PPP2R5E: variants seen among roughly 807,000 people sequenced by gnomAD.
The protein encoded by PPP2R5E is serine/threonine-protein phosphatase 2A 56 kDa regulatory subunit epsilon isoform.
A neutral mutation model predicts 65.3 loss-of-function variants in PPP2R5E; 4 were observed. That is an observed-to-expected ratio of 0.06 (90% CI 0.03 to 0.14). The LOEUF is 0.14. PPP2R5E is among the 10% of genes least tolerant of loss of function. The pLI is 1.00. For synonymous variants in PPP2R5E, 183 were observed against 187.4 expected (o/e 0.98, Z 0.19); for missense variants, 274 against 556.1 (o/e 0.49, Z 5.10).
At chr14:63,386,847 C>T (rs968380528) in intron 11 of PPP2R5E, among the ~76,000 whole-genome samples, 10 of 151,606 alleles carry the variant, frequency 6.6e-5, no homozygotes, top group African/African-American at 2.4e-4. Context: ...TCGCTTGAAC[C>T]CGGGAGGCAG....
chr14:63,386,848 C>T (rs561386350), intron 11 of PPP2R5E, among the ~76,000 whole-genome samples: 2 of 151,210 alleles, frequency 1.3e-5, no homozygotes, highest in East Asian at 2.0e-4. Context: ...CGCTTGAACC[C>T]GGGAGGCAGA....
chr14:63,477,357 T>C (rs975332479), intron 2 of PPP2R5E, among the ~76,000 whole-genome samples: 2 of 152,120 alleles, frequency 1.3e-5, no homozygotes, highest in South Asian at 2.1e-4. Context: ...ACAACAAAAA[T>C]TGCAGCTAAC....
At position 63,519,017 on chromosome 14, in the gene PPP2R5E, G is replaced by A. The variant is rs549550126; in HGVS notation, c.157+20512C>T. Among the ~76,000 whole-genome samples the A allele has an allele frequency of 4.6e-5, 7 of 152,238 alleles. 1 individual carries two copies. The highest frequency in any genetic ancestry group is 1.4e-4 in the African/African-American group (6 of 41,554). On this transcript the variant is annotated intron_variant, in intron 2 of 13. Coordinates refer to ENST00000337537, the MANE Select transcript of PPP2R5E (RefSeq NM_006246.5). ...GCAGATCATCTGAGGTCGGGAGTTCGAGACCAGCCTAACATGGAGAAACCC... is the reference window on the plus strand; with the variant it reads ...GCAGATCATCTGAGGTCGGGAGTTCAAGACCAGCCTAACATGGAGAAACCC...
At chr14:63,481,235 A>G (rs998648068) in intron 2 of PPP2R5E, among the ~76,000 whole-genome samples, 6 of 152,076 alleles carry the variant, frequency 3.9e-5, no homozygotes, top group Non-Finnish European at 8.8e-5. Flanking sequence ...GGTGGCTCAC[A>G]CCTGTAATCC....
chr14:63,478,840 T>C (rs1435745427), intron 2 of PPP2R5E, among the ~76,000 whole-genome samples: 1 of 152,052 alleles, frequency 6.6e-6, no homozygotes, highest in Non-Finnish European at 1.5e-5. Context: ...AAGAAATCAT[T>C]GGCCGGGTAC....
intron 2 of PPP2R5E, among the ~76,000 whole-genome samples, chr14:63,517,194 C>A (rs1032180167): frequency 6.6e-6 from 1 of 152,034 alleles, no homozygotes; most frequent in Admixed American, 6.6e-5. Flanking sequence ...ATAATTATTA[C>A]CAGCCTTGCT....
intron 2 of PPP2R5E, among the ~76,000 whole-genome samples, chr14:63,487,025 A>G (rs1891033358): frequency 6.6e-6 from 1 of 152,188 alleles, no homozygotes; most frequent in African/African-American, 2.4e-5. Context: ...AGCACATAAC[A>G]TGAATACAGC....
chr14:63,498,324 A>G (rs960618529), intron 2 of PPP2R5E, among the ~76,000 whole-genome samples: 2 of 152,182 alleles, frequency 1.3e-5, no homozygotes, highest in African/African-American at 4.8e-5. Context: ...AATGTATACT[A>G]TCAGGTTGAC....
chr14:63,411,467 T>C (rs1456223076), intron 5 of PPP2R5E, among the ~76,000 whole-genome samples: 2 of 151,876 alleles, frequency 1.3e-5, no homozygotes, highest in Non-Finnish European at 2.9e-5. Flanking sequence ...ATATATTGCA[T>C]TGATATAGTT....
chr14:63,396,269 G>A (rs1355679496), intron 6 of PPP2R5E, among the ~76,000 whole-genome samples: 4 of 77,738 alleles, frequency 5.1e-5, no homozygotes, highest in African/African-American at 1.0e-4. Context: ...AGAGGAGGGG[G>A]AAAGTAGGGG....
At chr14:63,445,873 G>A (rs1418165019) in intron 3 of PPP2R5E, among the ~76,000 whole-genome samples, 1 of 151,888 alleles carries the variant, frequency 6.6e-6, no homozygotes, top group Non-Finnish European at 1.5e-5. Context: ...TGAAGTTTGT[G>A]GCTTCGATTG....
chr14:63,402,040 A>G (rs1460657425), intron 5 of PPP2R5E, among the ~76,000 whole-genome samples: 2 of 152,212 alleles, frequency 1.3e-5, no homozygotes, highest in East Asian at 3.9e-4. Context: ...GGAGAGAATG[A>G]GTAAGTATCT....
chr14:63,453,651 A>C, intron 3 of PPP2R5E, 38 bp downstream of exon 3: 2 of 1,587,110 alleles, frequency 1.3e-6, no homozygotes, highest in Non-Finnish European at 1.7e-6. Context: ...ACTATGGAAG[A>C]TGCTTAAAAG....
intron 8 of PPP2R5E, among the ~76,000 whole-genome samples, chr14:63,392,593 T>C (rs1885089335): frequency 6.6e-6 from 1 of 152,200 alleles, no homozygotes. Context: ...TTGTTTAAAA[T>C]AATAATCATG....
rs1252197768 is a variant in PPP2R5E, at chr14:63,371,953, T to C, written c.*4056A>G. ...AATCAGACAACAACCAGAAAATGCATTGGTAATATTTATATTTGAAAATTC... is the reference window on the plus strand; with the variant it reads ...AATCAGACAACAACCAGAAAATGCACTGGTAATATTTATATTTGAAAATTC... On this transcript the variant is annotated 3_prime_UTR_variant, in exon 14 of 14. Transcript: ENST00000337537. The C allele has an allele frequency of 3.9e-5, 6 of 152,076 alleles. No homozygotes were observed. The highest frequency in any genetic ancestry group is 1.2e-4 in the African/African-American group (5 of 41,400). 9.4% of individuals were successfully genotyped at this position (152,076 alleles called of 1,614,324 possible). A position where few individuals can be genotyped will look rare whatever the true frequency, so the allele number is the denominator to read the frequency against.
chr14:63,409,164 C>T (rs750639622), intron 5 of PPP2R5E, among the ~76,000 whole-genome samples: 2 of 152,046 alleles, frequency 1.3e-5, no homozygotes, highest in African/African-American at 4.8e-5. Context: ...ACCCAGGAGG[C>T]GGAGGTTGCA....
Position 63,371,738 on chromosome 14 carries a change from A to G in PPP2R5E, c.*4271T>C, listed in dbSNP as rs1883699306. 6.6e-6 allele frequency: 1 copy of G among 152,156 alleles called. No homozygotes were observed. 9.4% of individuals were successfully genotyped at this position (152,156 alleles called of 1,614,324 possible). ...TCTACTCACAAAGAGATGCTGTTTA[A>G]AAAAACACACACACAGCTAAATTTA... On this transcript the variant is annotated 3_prime_UTR_variant, in exon 14 of 14. Transcript: ENST00000337537.
At chr14:63,485,196 TAAAAAA>T (rs200719135) in intron 2 of PPP2R5E, among the ~76,000 whole-genome samples, 1 of 126,372 alleles carries the variant, frequency 7.9e-6, no homozygotes, top group African/African-American at 3.0e-5. Flanking sequence ...TATACTCATT[TAAAAAA>T]AAAAAAAAAA....
At chr14:63,385,245 G>A (rs1884593522) in intron 11 of PPP2R5E, among the ~76,000 whole-genome samples, 1 of 152,030 alleles carries the variant, frequency 6.6e-6, no homozygotes, top group South Asian at 2.1e-4. Context: ...AGGACTGCTT[G>A]AGCCTGGGAG....
Sources: allele counts gnomAD v4.1 joint callset (sites outside exome capture counted in the v4.1 genomes callset), GRCh38; gene constraint gnomAD v4.1.1; transcripts MANE v1.5; gene names NCBI Gene and HGNC (gene_info 2026-07-23, HGNC 2026-07-21).